Variants in BLTP1 observed in about 807,000 individuals in gnomAD.
The protein encoded by BLTP1 is fragile site-associated protein.
chr4:122,226,483 T>C, the BLTP1 span: 7 of 1,298,058 alleles, frequency 5.4e-6, no homozygotes, highest in Non-Finnish European at 6.8e-6. Context: ...AGTTTTCATT[T>C]TGACAGTGCA....
the BLTP1 span, among the ~76,000 whole-genome samples, chr4:122,213,015 A>G: frequency 0.25 from 37,785 of 152,040 alleles, 5,689 homozygotes; most frequent in Middle Eastern, 0.49. Flanking sequence ...AATTTGTGCA[A>G]TTCTTTGAGT....
chr4:122,228,988 A>G, the BLTP1 span: 1 of 715,476 alleles, frequency 1.4e-6, no homozygotes, highest in Non-Finnish European at 2.1e-6. Context: ...ATTATAAAAG[A>G]ATGAAATTAG....
At chr4:122,250,997 T>C in the BLTP1 span, 1 of 985,176 alleles carries the variant, frequency 1.0e-6, no homozygotes, top group Non-Finnish European at 1.2e-6. Flanking sequence ...AATGGCACCT[T>C]ATATTCAACT....
At chr4:122,152,458 G>C in the BLTP1 span, 1 of 985,590 alleles carries the variant, frequency 1.0e-6, no homozygotes, top group Admixed American at 6.1e-5. Context: ...TGTGGGCACC[G>C]GCAGAGCTTC....
At chr4:122,200,298 C>T in the BLTP1 span, 1 of 984,310 alleles carries the variant, frequency 1.0e-6, no homozygotes, top group Admixed American at 6.2e-5. Flanking sequence ...CCAAACTGCG[C>T]AGGATGTGGT....
At chr4:122,251,486 T>C in the BLTP1 span, 7 of 945,444 alleles carry the variant, frequency 7.4e-6, no homozygotes, top group African/African-American at 1.2e-4. Context: ...ATGAGTTTAA[T>C]CACAGTTTTA....
chr4:122,336,719 A>G, the BLTP1 span: 5 of 884,926 alleles, frequency 5.7e-6, no homozygotes, highest in East Asian at 1.2e-4. Flanking sequence ...GGAATGAGCA[A>G]GAGGTGCGAA....
the BLTP1 span, chr4:122,287,822 C>T: frequency 1.9e-6 from 1 of 527,094 alleles, no homozygotes; most frequent in Non-Finnish European, 2.4e-6. Context: ...AAAGATTTAA[C>T]TGAAAATATT....
At chr4:122,160,444 C>G in the BLTP1 span, among the ~76,000 whole-genome samples, 2 of 152,104 alleles carry the variant, frequency 1.3e-5, no homozygotes, top group Non-Finnish European at 2.9e-5. Flanking sequence ...TAATGTCAAC[C>G]TTTTTATACA....
the BLTP1 span, chr4:122,347,916 ATCCCC>A: frequency 6.5e-6 from 4 of 612,734 alleles, no homozygotes; most frequent in Non-Finnish European, 1.1e-5. Flanking sequence ...AAAAAAAAAA[ATCCCC>A]AACACAGTAA....
chr4:122,249,025 A>G, the BLTP1 span: 4 of 967,552 alleles, frequency 4.1e-6, no homozygotes, highest in Non-Finnish European at 4.9e-6. Flanking sequence ...CAGTGGAACC[A>G]TGACAAGGTC....
the BLTP1 span, among the ~76,000 whole-genome samples, chr4:122,337,319 T>G: frequency 6.6e-6 from 1 of 152,154 alleles, no homozygotes; most frequent in Non-Finnish European, 1.5e-5. Flanking sequence ...TTAAACTAGC[T>G]TACCTTAAAT....
the BLTP1 span, among the ~76,000 whole-genome samples, chr4:122,338,568 A>C: frequency 1.3e-5 from 2 of 152,076 alleles, no homozygotes. Flanking sequence ...GAACTATCTA[A>C]ATATCTAAAT....
chr4:122,202,722 A>G, the BLTP1 span: 1 of 160,746 alleles, frequency 6.2e-6, no homozygotes, highest in Non-Finnish European at 1.3e-5. Context: ...TACATTCTTC[A>G]TGATTTGAAA....
chr4:122,358,056 T>C, the BLTP1 span, among the ~76,000 whole-genome samples: 7 of 152,194 alleles, frequency 4.6e-5, no homozygotes, highest in African/African-American at 1.7e-4. Context: ...AGAAACTGTA[T>C]AATAGGCAAT....
chr4:122,344,736 T>A, the BLTP1 span: 9,694 of 1,278,354 alleles, frequency 7.6e-3, 591 homozygotes, highest in African/African-American at 0.13. Context: ...GTAATAAATG[T>A]TAGGAATATA....
chr4:122,238,905 CTG>C, the BLTP1 span, among the ~76,000 whole-genome samples: 2 of 152,122 alleles, frequency 1.3e-5, no homozygotes, highest in East Asian at 1.9e-4. Context: ...GTCTCAATAA[CTG>C]TTTGGTTTCA....
the BLTP1 span, among the ~76,000 whole-genome samples, chr4:122,195,324 C>A: frequency 6.6e-6 from 1 of 151,910 alleles, no homozygotes; most frequent in Admixed American, 6.6e-5. Flanking sequence ...TTCATGTTTT[C>A]TTTTTATGAA....
the BLTP1 span, chr4:122,201,832 A>C: frequency 1.0e-6 from 1 of 976,730 alleles, no homozygotes; most frequent in Non-Finnish European, 1.2e-6. Flanking sequence ...TTATCCATCC[A>C]TCCATCCATC....
Sources: allele counts gnomAD v4.1 joint callset (sites outside exome capture counted in the v4.1 genomes callset), GRCh38; gene constraint gnomAD v4.1.1; transcripts MANE v1.5; gene names NCBI Gene and HGNC (gene_info 2026-07-23, HGNC 2026-07-21).